GNA14: variants seen among roughly 807,000 people sequenced by gnomAD.
GNA14 encodes the protein guanine nucleotide-binding protein subunit alpha-14.
A neutral mutation model predicts 42.0 loss-of-function variants in GNA14; 50 were observed. That is an observed-to-expected ratio of 1.19 (90% CI 0.95 to 1.51). GNA14 has a LOEUF of 1.51. Among genes scored for constraint, GNA14 ranks in the 40% most tolerant of loss-of-function variants. The pLI is 0.00. For synonymous variants in GNA14, 173 were observed against 163.1 expected, an observed-to-expected ratio of 1.06 and a Z score of -0.46; for missense variants, 473 against 446.2, an observed-to-expected ratio of 1.06 and a Z score of -0.54.
intron 5 of GNA14, among the ~76,000 whole-genome samples, chr9:77,427,219 T>A (rs1203609577): frequency 6.6e-6 from 1 of 152,174 alleles, no homozygotes; most frequent in Admixed American, 6.5e-5. Context: ...ACTGGTCCCT[T>A]GTGCACCTTA....
At chr9:77,449,508 CAA>C (rs917030238) in intron 2 of GNA14, among the ~76,000 whole-genome samples, 3 of 152,168 alleles carry the variant, frequency 2.0e-5, no homozygotes, top group Admixed American at 2.0e-4. Flanking sequence ...TTTGTTTTTA[CAA>C]AGTCTATGCC....
chr9:77,612,228 C>G (rs192446881), intron 1 of GNA14, among the ~76,000 whole-genome samples: 1 of 152,206 alleles, frequency 6.6e-6, no homozygotes, highest in East Asian at 1.9e-4. Flanking sequence ...TAACCCAATC[C>G]ACTATTTTGC....
At chr9:77,517,630 A>G (rs1364862546) in intron 2 of GNA14, 1 of 68,982 alleles carries the variant, frequency 1.4e-5, no homozygotes, top group East Asian at 5.5e-4. Flanking sequence ...TTTTTGAGAC[A>G]GAGTATCACT....
Position 77,518,976 on chromosome 9 carries a change from C to G in GNA14, c.309+10093G>C, listed in dbSNP as rs140244862. 6.2e-3 allele frequency among the ~76,000 whole-genome samples: 938 copies of G among 152,244 alleles called. 7 individuals are homozygous for G. Among genetic ancestry groups the G allele is most frequent in the African/African-American group, 0.021 (888 of 41,540 alleles). ...CTGACAGGGTTTTGGTGTCAGAAAT[C>G]AAGGTCAAGTACACAAGATACAATG... On this transcript the variant is annotated intron_variant, in intron 2 of 6. Coordinates refer to ENST00000341700, the MANE Select transcript of GNA14 (RefSeq NM_004297.4).
At position 77,526,159 on chromosome 9, in the gene GNA14, T is replaced by C. The variant is rs554635369; in HGVS notation, c.309+2910A>G. Among the ~76,000 whole-genome samples the C allele has an allele frequency of 1.5e-4, 23 of 151,178 alleles. No individual in the cohort carries two copies. The South Asian group carries it at 4.8e-3, about 32-fold the overall frequency. On this transcript the variant is annotated intron_variant, in intron 2 of 6. Transcript: ENST00000341700. ...ACCCTGGGCTCAAGAGATGGCTGCCTGCCTCGGCCTCCCAAAGTACTGGGT... is the reference window on the plus strand; with the variant it reads ...ACCCTGGGCTCAAGAGATGGCTGCCCGCCTCGGCCTCCCAAAGTACTGGGT...
chr9:77,613,393 G>A (rs540822885), intron 1 of GNA14, among the ~76,000 whole-genome samples: 2 of 152,284 alleles, frequency 1.3e-5, no homozygotes, highest in Admixed American at 6.5e-5. Flanking sequence ...GTAGGACAAT[G>A]GGGAAATAAA....
chr9:77,533,678 A>G (rs1335591818), intron 1 of GNA14, among the ~76,000 whole-genome samples: 2 of 152,144 alleles, frequency 1.3e-5, no homozygotes, highest in African/African-American at 4.8e-5. Flanking sequence ...TAAGACTCCC[A>G]TAATCTCCCA....
At chr9:77,571,941 C>T (rs374663612) in intron 1 of GNA14, among the ~76,000 whole-genome samples, 8 of 151,856 alleles carry the variant, frequency 5.3e-5, no homozygotes, top group African/African-American at 1.9e-4. Context: ...TTTCCACCAA[C>T]TGGCTGCTCA....
intron 2 of GNA14, among the ~76,000 whole-genome samples, chr9:77,489,752 G>A (rs2131735003): frequency 6.6e-6 from 1 of 152,256 alleles, no homozygotes; most frequent in Non-Finnish European, 1.5e-5. Context: ...TCTCCCGGTG[G>A]GCTCGTGGTC....
chr9:77,591,632 A>G (rs1044849745), intron 1 of GNA14, among the ~76,000 whole-genome samples: 6 of 152,230 alleles, frequency 3.9e-5, no homozygotes, highest in Non-Finnish European at 8.8e-5. Context: ...CATTCAGTAC[A>G]GTAGTATGTC....
At chr9:77,482,903 C>T (rs1836582688) in intron 2 of GNA14, among the ~76,000 whole-genome samples, 1 of 152,232 alleles carries the variant, frequency 6.6e-6, no homozygotes, top group African/African-American at 2.4e-5. Flanking sequence ...CTTTCAGCTC[C>T]ATCAGGTCCT....
chr9:77,474,424 G>A (rs978882307), intron 2 of GNA14, among the ~76,000 whole-genome samples: 4 of 152,090 alleles, frequency 2.6e-5, no homozygotes, highest in African/African-American at 9.7e-5. Flanking sequence ...TATCCATCCA[G>A]GAAACACAAA....
chr9:77,620,504 T>C (rs1158469064), intron 1 of GNA14, among the ~76,000 whole-genome samples: 2 of 152,196 alleles, frequency 1.3e-5, no homozygotes, highest in African/African-American at 4.8e-5. Flanking sequence ...CTCTAGCAAA[T>C]ATCATAATAT....
Position 77,558,107 on chromosome 9 carries a change from C to T in GNA14, c.125-28854G>A, listed in dbSNP as rs142550428. Among the ~76,000 whole-genome samples the T allele has an allele frequency of 7.9e-5, 12 of 152,170 alleles. No homozygotes were observed. The East Asian group carries it at 1.7e-3, about 22-fold the overall frequency. On this transcript the variant is annotated intron_variant, in intron 1 of 6. Coordinates refer to ENST00000341700, the MANE Select transcript of GNA14 (RefSeq NM_004297.4). ...CATATTTAAAAAATAATTCTTAAGA[C>T]AATAGAGGATATTTAAATATAGATC...
chr9:77,490,558 T>C (rs1204546783), intron 2 of GNA14, among the ~76,000 whole-genome samples: 1 of 152,192 alleles, frequency 6.6e-6, no homozygotes, highest in Admixed American at 6.5e-5. Context: ...TGGTGAGAAA[T>C]TGAACACAGC....
At chr9:77,469,258 G>A (rs538412974) in intron 2 of GNA14, among the ~76,000 whole-genome samples, 1 of 151,872 alleles carries the variant, frequency 6.6e-6, no homozygotes, top group Non-Finnish European at 1.5e-5. Flanking sequence ...AAGGAAAGCT[G>A]GGAGAGGAGG....
chr9:77,512,910 G>GAAA (rs1475539435), intron 2 of GNA14, among the ~76,000 whole-genome samples: 1 of 152,064 alleles, frequency 6.6e-6, no homozygotes. Flanking sequence ...ATAATCTCTG[G>GAAA]CTTGTTTACT....
chr9:77,534,870 T>A (rs1382498295), intron 1 of GNA14, among the ~76,000 whole-genome samples: 4 of 152,158 alleles, frequency 2.6e-5, no homozygotes, highest in Non-Finnish European at 5.9e-5. Flanking sequence ...TCAGGATGGC[T>A]TCTGTTTTGA....
intron 2 of GNA14, among the ~76,000 whole-genome samples, chr9:77,447,137 G>T (rs1393315557): frequency 6.6e-6 from 1 of 152,080 alleles, no homozygotes; most frequent in Non-Finnish European, 1.5e-5. Flanking sequence ...TAGAGATGGG[G>T]TTTCACCATG....
Sources: allele counts gnomAD v4.1 joint callset (sites outside exome capture counted in the v4.1 genomes callset), GRCh38; gene constraint gnomAD v4.1.1; transcripts MANE v1.5; gene names NCBI Gene and HGNC (gene_info 2026-07-23, HGNC 2026-07-21).